FAM53A: variants seen among roughly 807,000 people sequenced by gnomAD.
FAM53A encodes the protein protein FAM53A.
Under a neutral mutation model 26.6 loss-of-function variants are expected in FAM53A, and 28 were observed. The observed-to-expected ratio is 1.05, with a 90% CI of 0.78 to 1.45. The LOEUF (loss-of-function observed/expected upper bound fraction) is 1.45. Among genes scored for constraint, FAM53A ranks in the 40% most tolerant of loss-of-function variants. The pLI is 0.00. For missense variants in FAM53A, 650 were observed against 575.8 expected (o/e 1.13, Z -1.32); for synonymous variants, 290 against 253.1 (o/e 1.15, Z -1.38).
At position 1,625,902 on chromosome 4, in the gene FAM53A, C is replaced by T. The variant is rs1715278012; in HGVS notation, c.432-7791G>A. ...TCATGTCTGGGCAGCCAGGAGCTGT[C>T]CAGAGACCCCAGAGGCAGGTTCAGC... On this transcript the variant is annotated intron_variant, in intron 1 of 1. Coordinates refer to the FAM53A transcript ENST00000489029. Among the ~76,000 whole-genome samples the T allele has an allele frequency of 1.3e-5, 2 of 152,254 alleles. 1 individual carries two copies. Among genetic ancestry groups the T allele is most frequent in the South Asian group, 4.1e-4 (2 of 4,832 alleles).
chr4:1,586,770 G>A, the FAM53A span, among the ~76,000 whole-genome samples: 5 of 133,510 alleles, frequency 3.7e-5, no homozygotes, highest in East Asian at 2.2e-4. Context: ...GCAACAGAGC[G>A]AGACTCCGTC....
chr4:1,623,447 A>C (rs1421755958), intron 1 of FAM53A, among the ~76,000 whole-genome samples: 1 of 151,944 alleles, frequency 6.6e-6, no homozygotes, highest in Admixed American at 6.5e-5. Context: ...TCAGGCCACC[A>C]GGCCCCCGGG....
At position 1,655,231 on chromosome 4, in the gene FAM53A, G is replaced by C. The variant is rs761776383; in HGVS notation, c.629C>G (p.Ser210Cys). 5.9e-6 allele frequency: 9 copies of C among 1,533,934 alleles called. No homozygotes were observed. In the Admixed American group the frequency reaches 1.0e-4, roughly 18 times the overall value. ...CGTGGAGGGCAAGCAGGACTCCGCG[G>C]AACACCAGAGCGGGCCTGAGCCCGC... ...GSAGSGPLWCSAESCLPSTRR... is the reference protein window; with the variant it reads ...GSAGSGPLWCCAESCLPSTRR... Residue 210 changes from serine to cysteine, a missense_variant, in exon 4 of 5, where the codon TCC becomes TGC. Ser to Cys is a moderately radical substitution (Grantham distance 112, BLOSUM62 -1). Coordinates refer to ENST00000308132, the MANE Select transcript of FAM53A (RefSeq NM_001174070.3).
intron 1 of FAM53A, among the ~76,000 whole-genome samples, chr4:1,670,545 C>A (rs1714566086): frequency 6.6e-6 from 1 of 152,222 alleles, no homozygotes; most frequent in Admixed American, 6.5e-5. Context: ...CACACCACAT[C>A]AGCTAAAGGC....
downstream of FAM53A, among the ~76,000 whole-genome samples, chr4:1,637,300 C>A (rs1577096504): frequency 6.6e-6 from 1 of 152,158 alleles, no homozygotes; most frequent in Admixed American, 6.5e-5. Flanking sequence ...GAGGCCCTGG[C>A]ACAGAGGCTG....
chr4:1,648,747 TTGAGTCCCAG>T (rs1233418280), intron 4 of FAM53A, among the ~76,000 whole-genome samples: 2 of 152,196 alleles, frequency 1.3e-5, no homozygotes, highest in Non-Finnish European at 2.9e-5. Flanking sequence ...TCAGGTGAGG[TTGAGTCCCAG>T]GAGCAGAATG....
chr4:1,681,502 C>A (rs1715439322), intron 1 of FAM53A, among the ~76,000 whole-genome samples: 1 of 150,148 alleles, frequency 6.7e-6, no homozygotes, highest in South Asian at 2.1e-4. Flanking sequence ...TGCAACCCAA[C>A]AAAGGAGAAG....
intron 1 of FAM53A, among the ~76,000 whole-genome samples, chr4:1,632,479 G>A (rs1007669650): frequency 2.0e-5 from 3 of 152,138 alleles, no homozygotes; most frequent in Non-Finnish European, 4.4e-5. Flanking sequence ...ATTCTGACAT[G>A]GACCCCCAAG....
At chr4:1,576,145 G>A in the FAM53A span, among the ~76,000 whole-genome samples, 72 of 152,272 alleles carry the variant, frequency 4.7e-4, no homozygotes, top group African/African-American at 1.5e-3. Flanking sequence ...TAGTCGACGC[G>A]TCTTATCACA....
At chr4:1,619,311 G>A (rs947563642) in intron 1 of FAM53A, among the ~76,000 whole-genome samples, 2 of 152,220 alleles carry the variant, frequency 1.3e-5, no homozygotes, top group African/African-American at 2.4e-5. Flanking sequence ...GGAACGGCAC[G>A]CACTGCCAGG....
downstream of FAM53A, among the ~76,000 whole-genome samples, chr4:1,614,775 C>T (rs1031008410): frequency 1.2e-4 from 18 of 152,258 alleles, no homozygotes; most frequent in Admixed American, 2.6e-4. Flanking sequence ...TCACAGACAC[C>T]GCACTGAGCG....
intron 4 of FAM53A, among the ~76,000 whole-genome samples, chr4:1,642,360 G>A (rs1293083919): frequency 1.3e-5 from 2 of 152,156 alleles, no homozygotes; most frequent in East Asian, 3.9e-4. Context: ...CCTGTCCACA[G>A]CAGGTCCCTG....
intron 1 of FAM53A, among the ~76,000 whole-genome samples, chr4:1,621,100 A>C (rs796720959): frequency 6.5e-4 from 50 of 77,304 alleles, no homozygotes; most frequent in Non-Finnish European, 1.0e-3. Flanking sequence ...CAGCTACGCT[A>C]CTTTTTTTTT....
rs1714954718 is a variant in FAM53A at position 1,675,154 on chromosome 4, G to A, written c.-164-6249C>T. On this transcript the variant is annotated intron_variant, in intron 1 of 4. Coordinates refer to ENST00000308132, the MANE Select transcript of FAM53A (RefSeq NM_001174070.3). ...GAAAAGGAGACAAAGGCCAGGACAAGTGGGAAGAGACCTCTGGGTTCCAGG... is the reference window on the plus strand; with the variant it reads ...GAAAAGGAGACAAAGGCCAGGACAAATGGGAAGAGACCTCTGGGTTCCAGG... 2.0e-5 allele frequency among the ~76,000 whole-genome samples: 3 copies of A among 152,254 alleles called. No homozygotes were observed. In the East Asian group the frequency reaches 5.8e-4, roughly 29 times the overall value.
At chr4:1,639,274 G>A (rs754339231), downstream of FAM53A, among the ~76,000 whole-genome samples, 8 of 152,138 alleles carry the variant, frequency 5.3e-5, no homozygotes, top group African/African-American at 1.4e-4. Flanking sequence ...AGCACCGCCC[G>A]CCCCACCCCA....
At chr4:1,663,335 G>T (rs528570892) in intron 2 of FAM53A, among the ~76,000 whole-genome samples, 2 of 152,168 alleles carry the variant, frequency 1.3e-5, no homozygotes, top group Admixed American at 6.5e-5. Context: ...CCACGACTAG[G>T]TTTGCACCCA....
rs570380133 is a variant in FAM53A, at chr4:1,645,742, G to A, written c.883-4135C>T. Among the ~76,000 whole-genome samples, 9 of 152,320 alleles carry A rather than the reference G, an allele frequency of 5.9e-5. No individual in the cohort carries two copies. The South Asian group carries it at 1.9e-3, about 32-fold the overall frequency. ...TCACTCACCACCTCTGACCACCCTG[G>A]GCATGGCTCCTGGAGAGAAGGTCTG... On this transcript the variant is annotated intron_variant, in intron 4 of 4. Coordinates refer to ENST00000308132, the MANE Select transcript of FAM53A (RefSeq NM_001174070.3).
chr4:1,663,612 C>A (rs1714012387), intron 2 of FAM53A, among the ~76,000 whole-genome samples: 1 of 152,124 alleles, frequency 6.6e-6, no homozygotes, highest in Non-Finnish European at 1.5e-5. Flanking sequence ...CACCAGCCAC[C>A]CAGAGACAGT....
chr4:1,601,233 C>CCGGGGGAGATG, the FAM53A span, among the ~76,000 whole-genome samples: 15 of 87,346 alleles, frequency 1.7e-4, no homozygotes, highest in South Asian at 6.7e-4. Context: ...CGCAACAGGT[C>CCGGGGGAGATG]GGACACCCAC....
Sources: gnomAD v4.1 joint callset for allele counts (sites outside exome capture counted in the v4.1 genomes callset) on GRCh38, gnomAD v4.1.1 for gene constraint, MANE v1.5 for transcripts, NCBI Gene and HGNC (gene_info 2026-07-23, HGNC 2026-07-21) for gene names.